SNX22: variants seen among roughly 807,000 people sequenced by gnomAD.
The protein encoded by SNX22 is sorting nexin 22.
SNX22 carries 23 observed loss-of-function variants against 24.7 expected under a neutral mutation model. The ratio of observed to expected loss-of-function variants is 0.93; its 90% CI spans 0.67 to 1.32. SNX22 has a LOEUF of 1.32. SNX22 is among the 40% of genes most tolerant of loss of function. SNX22 has a pLI of 0.00. For synonymous variants in SNX22, 99 were observed against 104.0 expected (o/e 0.95, Z 0.29); for missense variants, 261 against 249.9 (o/e 1.04, Z -0.30).
chr15:64,152,542 C>A (rs138514029), intron 2 of SNX22, 96 bp from the exon 3 acceptor site: 91 of 1,349,286 alleles, frequency 6.7e-5, no homozygotes, highest in Middle Eastern at 5.3e-4. Context: ...CCAGTAGAGC[C>A]CGAAGGCGGG....
In SNX22 at chr15:64,152,720, A is replaced by AG; in HGVS notation, c.245dup (p.Glu84GlyfsTer34). On this transcript the variant is annotated frameshift_variant, in exon 3 of 7. Transcript: ENST00000325881. LOFTEE classifies it high-confidence loss of function. ...ACCAGAGGGTTGGAACAGCGCCGGC[A>AG]GGGCTTGGAGGCTTACATCCAGGTA... The AG allele has an allele frequency of 1.9e-6, 3 of 1,614,184 alleles. No homozygotes were observed. Among genetic ancestry groups the AG allele is most frequent in the Non-Finnish European group, 2.5e-6 (3 of 1,180,008 alleles).
intron 1 of SNX22, 39 bp from the exon 2 acceptor site, chr15:64,152,204 G>C: frequency 7.3e-7 from 1 of 1,373,666 alleles, no homozygotes; most frequent in South Asian, 1.7e-5. Flanking sequence ...CCTCCCGCGG[G>C]GCCTCACGCG....
In SNX22 at chr15:64,152,299, C is replaced by T; in HGVS notation, c.132C>T (p.Tyr44=). The part of the protein sequence containing the change: ...SGRRHTVPRR[Y]SEFHALHKRI... Reference sequence around the variant, plus strand: ...GCAGACACACGGTGCCAAGGCGCTACAGCGAGTTCCACGCGCTGCACAAGC... The same window carrying T: ...GCAGACACACGGTGCCAAGGCGCTATAGCGAGTTCCACGCGCTGCACAAGC... Residue 44 remains tyrosine, a synonymous_variant, in exon 2 of 7, where the codon TAC becomes TAT. Coordinates refer to ENST00000325881, the MANE Select transcript of SNX22 (RefSeq NM_024798.3). The T allele has an allele frequency of 6.6e-7, 1 of 1,511,972 alleles. No individual in the cohort carries two copies. The highest frequency in any genetic ancestry group is 1.2e-5 in the South Asian group (1 of 81,306). The allele number at this position is 1,511,972 out of a possible 1,614,324, so 93.7% of individuals were successfully genotyped here. A position where few individuals can be genotyped will look rare whatever the true frequency, so the allele number is the denominator to read the frequency against.
At position 64,156,880 on chromosome 15, in the gene SNX22, C is replaced by T. The variant is rs753537023; in HGVS notation, c.*2372C>T. 1.7e-5 allele frequency: 28 copies of T among 1,613,998 alleles called. No homozygotes were observed. Among genetic ancestry groups the T allele is most frequent in the South Asian group, 6.6e-5 (6 of 91,076 alleles). On this transcript the variant is annotated 3_prime_UTR_variant, in exon 7 of 7. Transcript: ENST00000325881. This position sits in a 1 kb window ranked among gnomAD's most constrained non-coding sequence, Gnocchi z 6.4. ...TAGTGCTTCAGTTTGAAGTTCTCAT[C>T]GGGGAAGCGCTCACCGTAGATGCTC...
Position 64,154,000 on chromosome 15 carries a change from CAGGTGAGGA to C in SNX22, c.459_460+7del. ...GATCCCTATGTTTGCAACCCCTCCC[CAGGTGAGGA>C]GGTGCCTAGATATGGGGCTACAGGG... On this transcript the variant is annotated splice_donor_variant and splice_donor_5th_base_variant and coding_sequence_variant and intron_variant, in exon 6 of 7. Coordinates refer to ENST00000325881, the MANE Select transcript of SNX22 (RefSeq NM_024798.3). LOFTEE classifies it high-confidence loss of function. The C allele has an allele frequency of 6.2e-7, 1 of 1,614,102 alleles. No homozygotes were observed. The highest frequency in any genetic ancestry group is 8.5e-7 in the Non-Finnish European group (1 of 1,180,008).
intron 2 of SNX22, 140 bp downstream of exon 2, chr15:64,152,466 G>A (rs897995513): frequency 1.6e-6 from 2 of 1,213,128 alleles, no homozygotes; most frequent in Non-Finnish European, 2.3e-6. Flanking sequence ...GTCAGCCCCC[G>A]GGCCTCTGTG....
Position 64,151,812 on chromosome 15 carries a change from G to GC in SNX22, c.39dup (p.Glu14ArgfsTer104), listed in dbSNP as rs766668883. 8 of 1,538,368 alleles carry GC rather than the reference G, an allele frequency of 5.2e-6. No individual in the cohort carries two copies. In the East Asian group the frequency reaches 2.0e-4, roughly 38 times the overall value. On this transcript the variant is annotated frameshift_variant, in exon 1 of 7. Coordinates refer to ENST00000325881, the MANE Select transcript of SNX22 (RefSeq NM_024798.3). LOFTEE classifies it high-confidence loss of function. ...TCACATCCCGTCGGTGGGGCCCGAGGCCGAGGGGCCCAGGCAGAGCCCGGA... is the reference window on the plus strand; with the variant it reads ...TCACATCCCGTCGGTGGGGCCCGAGGCCCGAGGGGCCCAGGCAGAGCCCGGA...
intron 2 of SNX22, 103 bp downstream of exon 2, chr15:64,152,429 A>G (rs758413345): frequency 6.8e-5 from 89 of 1,306,876 alleles, no homozygotes; most frequent in Non-Finnish European, 8.8e-5. Context: ...CGCCACCCCC[A>G]TTACTGCCTC....
Position 64,155,510 on chromosome 15 carries a change from C to CA in SNX22, c.*1026dup, listed in dbSNP as rs3056904. On this transcript the variant is annotated 3_prime_UTR_variant, in exon 7 of 7. Coordinates refer to ENST00000325881, the MANE Select transcript of SNX22 (RefSeq NM_024798.3). The stretch of plus-strand genomic sequence containing the variant: ...GCAACATAGTGAGACCTGTCTCTAC[C>CA]AAAAAAAAAAAAAAAAAAAAAAAAT... 0.013 allele frequency: 1,602 copies of CA among 124,072 alleles called. 24 individuals are homozygous for CA. The highest frequency in any genetic ancestry group is 0.046 in the African/African-American group (1,057 of 23,048). 7.7% of individuals were successfully genotyped at this position (124,072 alleles called of 1,614,324 possible).
rs192651413 is a variant in SNX22 at position 64,152,661 on chromosome 15, C to T, written c.183C>T (p.Pro61=). The T allele has an allele frequency of 4.6e-5, 74 of 1,614,184 alleles. No individual in the cohort carries two copies. The East Asian group carries it at 1.0e-3, about 22-fold the overall frequency. The change falls in exon 3 of 7, where the codon CCC becomes CCT. Residue 61 remains proline, a synonymous_variant. Coordinates refer to ENST00000325881, the MANE Select transcript of SNX22 (RefSeq NM_024798.3). Reference sequence around the variant, plus strand: ...AGATCAAGAAGCTGTACAAAGTGCCCGACTTCCCCTCGAAACGCCTGCCCA... The same window carrying T: ...AGATCAAGAAGCTGTACAAAGTGCCTGACTTCCCCTCGAAACGCCTGCCCA... ...HKRIKKLYKV[P]DFPSKRLPNW...
At chr15:64,153,110 T>A (rs773548933) in intron 3 of SNX22, 135 bp from the exon 4 acceptor site, 76 of 1,118,416 alleles carry the variant, frequency 6.8e-5, no homozygotes, top group Non-Finnish European at 9.7e-5. Flanking sequence ...AGAAGGGCCC[T>A]GAGCCTGGTT....
intron 4 of SNX22, 76 bp from the exon 5 acceptor site, chr15:64,153,576 G>A: frequency 6.3e-7 from 1 of 1,592,036 alleles, no homozygotes; most frequent in East Asian, 2.2e-5. Flanking sequence ...TGCAGTTCTG[G>A]GCTCTGGTGT....
At chr15:64,154,160 A>G in intron 6 of SNX22, 158 bp downstream of exon 6, 1 of 1,581,634 alleles carries the variant, frequency 6.3e-7, no homozygotes, top group Non-Finnish European at 8.6e-7. Flanking sequence ...AGACACAAGG[A>G]AAACAAGTTT....
intron 1 of SNX22, 149 bp from the exon 2 acceptor site, chr15:64,152,094 G>C (rs2081490302): frequency 4.7e-6 from 4 of 843,106 alleles, no homozygotes; most frequent in Non-Finnish European, 5.1e-6. Context: ...CCAGGTGTGC[G>C]GGAGCGGAGA....
At chr15:64,154,042 G>A in intron 6 of SNX22, 40 bp downstream of exon 6, 1 of 1,614,106 alleles carries the variant, frequency 6.2e-7, no homozygotes, top group Non-Finnish European at 8.5e-7. Flanking sequence ...GGGCTGGGTT[G>A]TGGGCTTTGC....
chr15:64,151,808 C>T lies in SNX22; in HGVS notation c.33C>T (p.Pro11=), dbSNP rs368005220. 887 of 1,537,720 alleles carry T rather than the reference C, an allele frequency of 5.8e-4. 3 individuals carry two copies. In the African/African-American group the frequency reaches 0.011, roughly 20 times the overall value. The change falls in exon 1 of 7, where the codon CCC becomes CCT. Residue 11 remains proline (P), a synonymous_variant. Coordinates refer to ENST00000325881, the MANE Select transcript of SNX22 (RefSeq NM_024798.3). MLEVHIPSVG[P]EAEGPRQSPE... is the part of the protein sequence containing the mutation. ...AAGTTCACATCCCGTCGGTGGGGCC[C>T]GAGGCCGAGGGGCCCAGGCAGAGCC...
intron 6 of SNX22, 93 bp downstream of exon 6, chr15:64,154,095 C>T (rs758017151): frequency 1.9e-6 from 3 of 1,611,922 alleles, no homozygotes; most frequent in Non-Finnish European, 2.5e-6. Flanking sequence ...CTCCTTCCTG[C>T]TGCCCACCTC....
intron 3 of SNX22, 167 bp downstream of exon 3, chr15:64,152,909 TG>T: frequency 1.6e-6 from 1 of 639,086 alleles, no homozygotes; most frequent in Non-Finnish European, 2.7e-6. Flanking sequence ...CACCCCCCTC[TG>T]GCTTGTTGAA....
chr15:64,152,906 C>G, intron 3 of SNX22, 164 bp downstream of exon 3: 1 of 643,832 alleles, frequency 1.6e-6, no homozygotes, highest in African/African-American at 1.8e-5. Context: ...AAACACCCCC[C>G]TCTGGCTTGT....
Sources: gnomAD v4.1 joint callset for allele counts on GRCh38, gnomAD v4.1.1 for gene constraint, Gnocchi (gnomAD v3.1) non-coding constraint, MANE v1.5 for transcripts, NCBI Gene and HGNC (gene_info 2026-07-23, HGNC 2026-07-21) for gene names.